The following DOT1L variants were observed in gnomAD, a reference collection of about 807,000 sequenced individuals.
DOT1L encodes DOT1 like histone lysine methyltransferase, also known as histone-lysine N-methyltransferase, H3 lysine-79 specific.
Under a neutral mutation model 153.3 loss-of-function variants are expected in DOT1L, and 33 were observed. That is an observed-to-expected ratio of 0.22 (90% confidence interval 0.16 to 0.29). DOT1L has a LOEUF of 0.29. DOT1L is among the 10% of genes least tolerant of loss of function. The pLI, the probability that DOT1L is intolerant of heterozygous loss-of-function variation, is 1.00. For missense variants in DOT1L, 1,847 were observed against 2,119.9 expected, an observed-to-expected ratio of 0.87 and a Z score of 2.53; for synonymous variants, 1,135 against 965.1, an observed-to-expected ratio of 1.18 and a Z score of -3.26.
In DOT1L at chr19:2,227,020, C is replaced by T; in HGVS notation, c.4499C>T (p.Ser1500Phe). The change falls in exon 27 of 28, where the codon TCT becomes TTT. Residue 1500 changes from serine (S) to phenylalanine (F), a missense_variant. By Grantham distance (155) the Ser-to-Phe change is radical (BLOSUM62 -2). This residue lies in a region of DOT1L where 934 missense variants were observed against 825.3 expected (regional missense o/e 1.13). Coordinates refer to ENST00000398665, the MANE Select transcript of DOT1L (RefSeq NM_032482.3). ...GSSVLQSLFS[S>F]VPAAAGLVHV... ...TCCGTGCTGCAGTCGCTGTTCAGCTCTGTGCCGGCCGCCGCAGGCCTGGTG... is the reference window on the plus strand; with the variant it reads ...TCCGTGCTGCAGTCGCTGTTCAGCTTTGTGCCGGCCGCCGCAGGCCTGGTG... 2 of 1,587,284 alleles carry T rather than the reference C, an allele frequency of 1.3e-6. No individual in the cohort carries two copies. Among genetic ancestry groups the T allele is most frequent in the Non-Finnish European group, 1.7e-6 (2 of 1,173,722 alleles).
At chr19:2,227,867 T>G in intron 27 of DOT1L, 1 of 1,280,174 alleles carries the variant, frequency 7.8e-7, no homozygotes, top group East Asian at 6.1e-5. Flanking sequence ...CCTCGGCCTC[T>G]TCCTTTCAGG....
rs2023963024 is a variant in DOT1L, at chr19:2,217,858, C to G, written c.2631C>G (p.Asn877Lys). The change falls in exon 22 of 28, where the codon AAC (asparagine) becomes AAG (lysine). Residue 877 changes from asparagine to lysine, a missense_variant. Asn to Lys is a moderately conservative substitution (Grantham distance 94). This residue lies in a region of DOT1L where 18 missense variants were observed against 58.1 expected (regional missense o/e 0.31). Coordinates refer to ENST00000398665, the MANE Select transcript of DOT1L (RefSeq NM_032482.3). This position sits in a 1 kb window ranked among gnomAD's most constrained non-coding sequence, Gnocchi z 7.3. ...ISIPLSTVQP[N>K]KLPVSIPLAS... is the part of the protein sequence containing the mutation. The stretch of plus-strand genomic sequence containing the variant: ...TCCCGCTCAGCACCGTGCAGCCCAA[C>G]AAGCTCCCGGTCAGCATTCCCCTGG... 3.7e-6 allele frequency: 6 copies of G among 1,612,440 alleles called. No individual in the cohort carries two copies. Among genetic ancestry groups the G allele is most frequent in the Non-Finnish European group, 5.1e-6 (6 of 1,179,656 alleles).
At chr19:2,203,642 C>T (rs1285279504) in intron 9 of DOT1L, among the ~76,000 whole-genome samples, 2 of 152,206 alleles carry the variant, frequency 1.3e-5, no homozygotes, top group Non-Finnish European at 2.9e-5. Flanking sequence ...AGAACTCAGC[C>T]CATGACATCG....
At chr19:2,199,856 C>T (rs767379285) in intron 7 of DOT1L, 28 bp from the exon 8 acceptor site, 2 of 1,611,060 alleles carry the variant, frequency 1.2e-6, no homozygotes, top group Non-Finnish European at 1.7e-6. Context: ...GGCCGGGGGT[C>T]CGCGCTCACA....
Position 2,166,077 on chromosome 19 carries a change from A to ATATGT in DOT1L, c.81+1834_81+1838dup, listed in dbSNP as rs369384556. 4.9e-3 allele frequency among the ~76,000 whole-genome samples: 721 copies of ATATGT among 146,418 alleles called. 2 individuals are homozygous for ATATGT. Among genetic ancestry groups the ATATGT allele is most frequent in the Non-Finnish European group, 6.7e-3 (449 of 66,660 alleles). On this transcript the variant is annotated intron_variant, in intron 1 of 27. Transcript: ENST00000398665. Reference sequence around the variant, plus strand: ...GAGCCACCGCGCCCGGCCCACATTTATATGTTATGTTATGTTATGTTATGT... The same window carrying ATATGT: ...GAGCCACCGCGCCCGGCCCACATTTATATGTTATGTTATGTTATGTTATGTTATGT...
At chr19:2,178,192 A>G (rs1241098858) in intron 1 of DOT1L, among the ~76,000 whole-genome samples, 2 of 146,502 alleles carry the variant, frequency 1.4e-5, no homozygotes, top group Non-Finnish European at 3.0e-5. Context: ...TCGGCCTCCC[A>G]AAGTGCTGGG....
intron 2 of DOT1L, among the ~76,000 whole-genome samples, chr19:2,184,151 C>T (rs992862936): frequency 9.9e-5 from 15 of 152,188 alleles, no homozygotes; most frequent in Admixed American, 5.9e-4. Flanking sequence ...TTGCGCTGGC[C>T]GGAACCTCCT....
chr19:2,206,614 C>CTGGA, intron 9 of DOT1L, 115 bp from the exon 10 acceptor site: 1 of 1,007,172 alleles, frequency 9.9e-7, no homozygotes, highest in Non-Finnish European at 1.6e-6. Context: ...TGGACAGGAC[C>CTGGA]CGGAGCCCAG....
chr19:2,186,817 G>T (rs764084924), intron 3 of DOT1L, among the ~76,000 whole-genome samples: 95 of 152,364 alleles, frequency 6.2e-4, no homozygotes, highest in Non-Finnish European at 9.7e-4. Flanking sequence ...CACCTGCCTC[G>T]CATGTCGGGG....
intron 1 of DOT1L, among the ~76,000 whole-genome samples, chr19:2,180,433 A>G (rs1379101536): frequency 2.0e-5 from 3 of 152,172 alleles, no homozygotes. Flanking sequence ...GGAGAGGAGC[A>G]GGACCGGGGG....
chr19:2,208,918 C>T lies in DOT1L; in HGVS notation c.964-17C>T, dbSNP rs1568354906. The T allele has an allele frequency of 6.2e-7, 1 of 1,611,978 alleles. No individual in the cohort carries two copies. The highest frequency in any genetic ancestry group is 1.3e-5 in the African/African-American group (1 of 74,740). ...TTGGGACTCCCTTCTAATCAGGGTT[C>T]TCTTTCTTCTTTTTAGCTTGAAAAC... On this transcript the variant is annotated splice_polypyrimidine_tract_variant and intron_variant, in intron 11 of 27. Coordinates refer to ENST00000398665, the MANE Select transcript of DOT1L (RefSeq NM_032482.3). This position sits in a 1 kb window ranked among gnomAD's most constrained non-coding sequence, Gnocchi z 4.4.
intron 26 of DOT1L, 121 bp from the exon 27 acceptor site, chr19:2,226,062 A>T: frequency 9.1e-7 from 1 of 1,101,260 alleles, no homozygotes; most frequent in Non-Finnish European, 1.2e-6. Flanking sequence ...TGGCATCTTG[A>T]GTGTCTGTGA....
At chr19:2,176,277 G>A (rs1266150736) in intron 1 of DOT1L, among the ~76,000 whole-genome samples, 2 of 152,170 alleles carry the variant, frequency 1.3e-5, no homozygotes, top group East Asian at 3.8e-4. Context: ...GAGGCAGTGC[G>A]AGCAAGAGGG....
chr19:2,220,868 T>A lies in DOT1L; in HGVS notation c.2806+646T>A, dbSNP rs1242848300. On this transcript the variant is annotated intron_variant, in intron 23 of 27. Transcript: ENST00000398665. This position sits in a 1 kb window ranked among gnomAD's most constrained non-coding sequence, Gnocchi z 4.5. ...AGATGCGGTATGATGCGGCAGCTAC[T>A]TTTTTAGGAGTAAAAAGTAAAATGT... 1 of 280,968 alleles carries A rather than the reference T, an allele frequency of 3.6e-6. No homozygotes were observed. Among genetic ancestry groups the A allele is most frequent in the Non-Finnish European group, 7.1e-6 (1 of 141,386 alleles). The allele number at this position is 280,968 out of a possible 1,614,324, so 17.4% of individuals were successfully genotyped here.
Position 2,231,132 on chromosome 19 carries a change from T to G in DOT1L, c.*1340T>G. ...TCTGGAGCCCTGAGCAGTCAGGGCC[T>G]GGGTTGTCTGAGCAGTGGTGGCTCT... is the stretch of plus-strand genomic sequence containing the variant. On this transcript the variant is annotated 3_prime_UTR_variant, in exon 28 of 28. Transcript: ENST00000398665. 4.4e-6 allele frequency: 1 copy of G among 228,968 alleles called. No homozygotes were observed. The highest frequency in any genetic ancestry group is 8.7e-6 in the Non-Finnish European group (1 of 115,388). 14.2% of individuals were successfully genotyped at this position (228,968 alleles called of 1,614,324 possible). A position where few individuals can be genotyped will look rare whatever the true frequency, so the allele number is the denominator to read the frequency against.
chr19:2,219,325 T>C (rs891812940), intron 22 of DOT1L, among the ~76,000 whole-genome samples: 1 of 152,154 alleles, frequency 6.6e-6, no homozygotes, highest in Non-Finnish European at 1.5e-5. Context: ...TGTACTTTTA[T>C]ACACCTCTGT....
At chr19:2,180,528 G>A (rs2022183296) in intron 1 of DOT1L, among the ~76,000 whole-genome samples, 185 bp from the exon 2 acceptor site, 1 of 152,182 alleles carries the variant, frequency 6.6e-6, no homozygotes, top group Non-Finnish European at 1.5e-5. Context: ...CAAGGTCTGT[G>A]TTCCCTTCGT....
intron 25 of DOT1L, among the ~76,000 whole-genome samples, chr19:2,224,044 G>A (rs899528719): frequency 1.3e-5 from 2 of 152,064 alleles, no homozygotes; most frequent in African/African-American, 4.8e-5. Context: ...GAGGGCTCTA[G>A]GGACCTCCTA....
Position 2,191,418 on chromosome 19 carries a change from G to C in DOT1L, c.493+178G>C, listed in dbSNP as rs964657652. The C allele has an allele frequency of 1.5e-6, 1 of 669,516 alleles. No individual in the cohort carries two copies. The highest frequency in any genetic ancestry group is 1.8e-5 in the African/African-American group (1 of 55,194). 41.5% of individuals were successfully genotyped at this position (669,516 alleles called of 1,614,324 possible). On this transcript the variant is annotated intron_variant, in intron 5 of 27. Transcript: ENST00000398665. This position sits in a 1 kb window ranked among gnomAD's most constrained non-coding sequence, Gnocchi z 6.8. ...GCCGTTCCTTTCCCCAGCCCTGACC[G>C]GGCTCCACCCAGAGGGGAGAAATCG...
Sources: allele counts gnomAD v4.1 joint callset (sites outside exome capture counted in the v4.1 genomes callset), GRCh38; gene constraint gnomAD v4.1.1; regional missense constraint gnomAD v4.1.1; non-coding constraint Gnocchi (gnomAD v3.1); transcripts MANE v1.5; gene names NCBI Gene and HGNC (gene_info 2026-07-23, HGNC 2026-07-21).